GSG1L: variants seen among roughly 807,000 people sequenced by gnomAD.
GSG1L encodes GSG1 like.
In GSG1L, 24 loss-of-function variants were observed where a neutral mutation model predicts 42.1. The observed-to-expected ratio is 0.57, with a 90% CI of 0.41 to 0.80. The LOEUF (loss-of-function observed/expected upper bound fraction) is 0.80. Among genes scored for constraint, GSG1L ranks in the 30% least tolerant of loss-of-function variants. GSG1L has a pLI of 0.00. For synonymous variants in GSG1L, 215 were observed against 203.5 expected (o/e 1.06, Z -0.48); for missense variants, 445 against 472.2 (o/e 0.94, Z 0.53).
intron 1 of GSG1L, among the ~76,000 whole-genome samples, chr16:27,964,060 G>C (rs530016787): frequency 6.6e-6 from 1 of 152,236 alleles, no homozygotes; most frequent in South Asian, 2.1e-4. Context: ...AGGCTAGAGG[G>C]AGGGAAATTC....
intron 1 of GSG1L, among the ~76,000 whole-genome samples, chr16:27,983,841 G>C (rs1409757116): frequency 6.6e-6 from 1 of 152,174 alleles, no homozygotes. Context: ...CTGCATCTCA[G>C]CTTGCAGGAA....
chr16:27,925,170 T>C lies in GSG1L; in HGVS notation c.397+37986A>G, dbSNP rs2084576527. ...TTGTTCCCACTTCACACATTTCTCT[T>C]ACATCCAACTTGGAGGACCAATTAT... On this transcript the variant is annotated intron_variant, in intron 2 of 6. Coordinates refer to ENST00000447459, the MANE Select transcript of GSG1L (RefSeq NM_001109763.2). Among the ~76,000 whole-genome samples, 5 of 152,326 alleles carry C rather than the reference T, an allele frequency of 3.3e-5. No homozygotes were observed. The South Asian group carries it at 1.0e-3, about 32-fold the overall frequency.
At chr16:27,868,185 G>A (rs540542744) in intron 3 of GSG1L, among the ~76,000 whole-genome samples, 75 of 152,348 alleles carry the variant, frequency 4.9e-4, no homozygotes, top group African/African-American at 1.5e-3. Context: ...AGGATGTGGC[G>A]GAATTTAAAT....
At chr16:28,057,834 C>T (rs1269151781) in intron 1 of GSG1L, among the ~76,000 whole-genome samples, 1 of 152,230 alleles carries the variant, frequency 6.6e-6, no homozygotes, top group Non-Finnish European at 1.5e-5. Context: ...CCCAAGGCCA[C>T]ACAGCAGCTG....
intron 1 of GSG1L, among the ~76,000 whole-genome samples, chr16:28,056,517 T>C (rs1428539980): frequency 7.2e-6 from 1 of 139,606 alleles, no homozygotes. Context: ...ATGCCTAAGG[T>C]AAATGACGAG....
chr16:28,056,565 A>G (rs555382760), intron 1 of GSG1L, among the ~76,000 whole-genome samples: 1 of 151,716 alleles, frequency 6.6e-6, no homozygotes, highest in Non-Finnish European at 1.5e-5. Flanking sequence ...ACATGTATAC[A>G]TATGTAACAA....
intron 1 of GSG1L, among the ~76,000 whole-genome samples, chr16:28,001,225 A>G (rs1412649028): frequency 6.6e-6 from 1 of 152,154 alleles, no homozygotes. Context: ...TTTCTTCCCC[A>G]ATTCACATAG....
At chr16:27,823,236 C>T (rs1351409877) in intron 5 of GSG1L, among the ~76,000 whole-genome samples, 1 of 152,100 alleles carries the variant, frequency 6.6e-6, no homozygotes, top group Non-Finnish European at 1.5e-5. Context: ...AGGGGTGGGG[C>T]AGGAATTGGG....
At chr16:28,054,686 A>G (rs558944958) in intron 1 of GSG1L, among the ~76,000 whole-genome samples, 2 of 151,990 alleles carry the variant, frequency 1.3e-5, no homozygotes, top group South Asian at 4.1e-4. Context: ...ATATTTTTAC[A>G]TAAAAAGAAA....
At chr16:27,888,501 T>G (rs1271036521) in intron 2 of GSG1L, among the ~76,000 whole-genome samples, 4 of 12,754 alleles carry the variant, frequency 3.1e-4, no homozygotes, top group Admixed American at 8.4e-4. Context: ...CTTTCTTTCT[T>G]TCTTTCTTTC....
At chr16:27,953,329 A>T (rs2084970409) in intron 2 of GSG1L, among the ~76,000 whole-genome samples, 1 of 152,166 alleles carries the variant, frequency 6.6e-6, no homozygotes, top group Non-Finnish European at 1.5e-5. Flanking sequence ...GCTTCAAGCG[A>T]TCTTCCCACC....
chr16:27,885,861 T>C (rs2084021395), intron 2 of GSG1L, among the ~76,000 whole-genome samples: 1 of 152,232 alleles, frequency 6.6e-6, no homozygotes, highest in South Asian at 2.1e-4. Flanking sequence ...TTCCCTGAGA[T>C]AGCACAGCTC....
At chr16:28,058,976 G>A (rs1331226584) in intron 1 of GSG1L, among the ~76,000 whole-genome samples, 1 of 152,208 alleles carries the variant, frequency 6.6e-6, no homozygotes, top group Non-Finnish European at 1.5e-5. Flanking sequence ...GGTGCAGGAT[G>A]AACTGGGGAG....
At chr16:27,883,068 G>A (rs1430779970) in intron 3 of GSG1L, among the ~76,000 whole-genome samples, 2 of 148,988 alleles carry the variant, frequency 1.3e-5, no homozygotes, top group African/African-American at 5.0e-5. Context: ...GCAGTGAGCC[G>A]TGATTACACC....
chr16:27,973,067 T>C (rs2085211056), intron 1 of GSG1L, among the ~76,000 whole-genome samples: 3 of 152,128 alleles, frequency 2.0e-5, no homozygotes, highest in Admixed American at 2.0e-4. Context: ...TGCCTTTATT[T>C]CCTTGTTGGC....
intron 1 of GSG1L, among the ~76,000 whole-genome samples, chr16:27,991,845 G>C (rs934141808): frequency 1.3e-5 from 2 of 152,040 alleles, no homozygotes; most frequent in Non-Finnish European, 2.9e-5. Flanking sequence ...AATCCTACTG[G>C]GCCCAATCTA....
chr16:27,972,410 T>C (rs1407505264), intron 1 of GSG1L, among the ~76,000 whole-genome samples: 2 of 152,260 alleles, frequency 1.3e-5, no homozygotes, highest in Non-Finnish European at 2.9e-5. Flanking sequence ...GTGATAAAGA[T>C]TATCTAAGGA....
chr16:27,813,211 G>A (rs984774669), intron 5 of GSG1L, among the ~76,000 whole-genome samples: 2 of 152,184 alleles, frequency 1.3e-5, no homozygotes, highest in Admixed American at 6.5e-5. Context: ...CATAGAACCC[G>A]ATAGATGGCT....
chr16:27,819,404 A>G (rs972217381), intron 5 of GSG1L, among the ~76,000 whole-genome samples: 2 of 152,088 alleles, frequency 1.3e-5, no homozygotes, highest in African/African-American at 4.8e-5. Context: ...CATCTTTGAC[A>G]ACCCCTAAGG....
Sources: gnomAD v4.1 joint callset for allele counts (sites outside exome capture counted in the v4.1 genomes callset) on GRCh38, gnomAD v4.1.1 for gene constraint, MANE v1.5 for transcripts, NCBI Gene and HGNC (gene_info 2026-07-23, HGNC 2026-07-21) for gene names.